The following POMGNT1 variants were observed in gnomAD, a reference collection of about 807,000 sequenced individuals.
The protein encoded by POMGNT1 is protein O-linked-mannose beta-1,2-N-acetylglucosaminyltransferase 1.
POMGNT1 carries 67 observed loss-of-function variants against 95.6 expected under a neutral mutation model. The observed-to-expected ratio is 0.70, with a 90% CI of 0.58 to 0.86. The LOEUF (loss-of-function observed/expected upper bound fraction) is 0.86, where lower values mean the gene tolerates loss of function less well. Ranked by LOEUF, POMGNT1 falls within the 40% of genes least tolerant of loss-of-function variation. The probability of loss-of-function intolerance (pLI) is 0.00; values close to 1 mark genes in which losing one functional copy is unlikely to be tolerated. For synonymous variants in POMGNT1, 298 were observed against 317.9 expected (o/e 0.94, Z 0.66); for missense variants, 719 against 855.2 (o/e 0.84, Z 1.99).
chr1:46,218,529 G>A (rs1034857342), intron 1 of POMGNT1, among the ~76,000 whole-genome samples: 2 of 152,270 alleles, frequency 1.3e-5, no homozygotes, highest in Admixed American at 6.5e-5. Context: ...TTGAATGCCA[G>A]TTGCTAAAAT....
chr1:46,196,782 T>C lies in POMGNT1; in HGVS notation c.303A>G (p.Val101=), dbSNP rs769150705. ...RGSGPRRVLD[V]EVYSSRSKVY... ...CTTTGCTGCGACTTGAATACACCTCTACGTCCAGGACCCGCCGGGGACCAC... is the reference window on the plus strand; with the variant it reads ...CTTTGCTGCGACTTGAATACACCTCCACGTCCAGGACCCGCCGGGGACCAC... The change falls in exon 4 of 22, where the codon GTA becomes GTG. Residue 101 remains valine, a synonymous_variant. Transcript: ENST00000371984. This position sits in a 1 kb window ranked among gnomAD's most constrained non-coding sequence, Gnocchi z 4.4. 1 of 1,614,204 alleles carries C rather than the reference T, an allele frequency of 6.2e-7. No individual in the cohort carries two copies. The highest frequency in any genetic ancestry group is 8.5e-7 in the Non-Finnish European group (1 of 1,180,038).
At chr1:46,195,034 A>G (rs936492345) in intron 6 of POMGNT1, 73 bp from the exon 7 acceptor site, 9 of 1,338,046 alleles carry the variant, frequency 6.7e-6, no homozygotes, top group South Asian at 5.9e-5. Context: ...AGCACGAACT[A>G]TGTAGCAACC....
chr1:46,196,586 T>C lies in POMGNT1; in HGVS notation c.354+145A>G. On this transcript the variant is annotated intron_variant, in intron 4 of 21. Transcript: ENST00000371984. The surrounding 1 kb of genome is among the most constrained non-coding windows in gnomAD (Gnocchi z 4.4). The stretch of plus-strand genomic sequence containing the variant: ...CAAGTAGAAATCATTAGTCCCAGTC[T>C]ATAGATAAGGAATCGAGGACTCCAA... The C allele has an allele frequency of 2.0e-6, 3 of 1,500,732 alleles. No individual in the cohort carries two copies. The highest frequency in any genetic ancestry group is 3.8e-5 in the Admixed American group (2 of 52,178). The allele number at this position is 1,500,732 out of a possible 1,614,324, so 93.0% of individuals were successfully genotyped here.
intron 17 of POMGNT1, 69 bp from the exon 18 acceptor site, chr1:46,190,853 C>T: frequency 7.1e-7 from 1 of 1,418,102 alleles, no homozygotes; most frequent in East Asian, 2.3e-5. Flanking sequence ...GCTGACCAGC[C>T]AGACATCTAT....
intron 17 of POMGNT1, chr1:46,191,878 C>A: frequency 1.8e-6 from 1 of 559,922 alleles, no homozygotes; most frequent in Non-Finnish European, 3.1e-6. Flanking sequence ...TTGTGATCCA[C>A]CCGCATCGGC....
intron 1 of POMGNT1, among the ~76,000 whole-genome samples, chr1:46,219,500 A>G (rs558403923): frequency 2.0e-5 from 3 of 152,310 alleles, no homozygotes; most frequent in South Asian, 2.1e-4. Flanking sequence ...AGGCTCAAAG[A>G]AGATATGTCT....
At chr1:46,190,944 C>A in intron 17 of POMGNT1, 160 bp from the exon 18 acceptor site, 1 of 715,080 alleles carries the variant, frequency 1.4e-6, no homozygotes. Flanking sequence ...GCAGCATCCT[C>A]AGCAAGCTCT....
rs775581321 is a variant in POMGNT1, at chr1:46,194,971, C to A, written c.535-10G>T. The A allele has an allele frequency of 6.2e-7, 1 of 1,613,444 alleles. No homozygotes were observed. Among genetic ancestry groups the A allele is most frequent in the Admixed American group, 1.7e-5 (1 of 60,028 alleles). On this transcript the variant is annotated splice_polypyrimidine_tract_variant and intron_variant, in intron 6 of 21. Coordinates refer to ENST00000371984, the MANE Select transcript of POMGNT1 (RefSeq NM_017739.4). Reference sequence around the variant, plus strand: ...GGAAGGAGCCCTCATCCTGGGGGACCAGAGAAGGCAGTTAGCCTGACTGGC... The same window carrying A: ...GGAAGGAGCCCTCATCCTGGGGGACAAGAGAAGGCAGTTAGCCTGACTGGC...
At position 46,188,795 on chromosome 1, in the gene POMGNT1, G is replaced by A; in HGVS notation, c.*475C>T. On this transcript the variant is annotated 3_prime_UTR_variant, in exon 22 of 22. Transcript: ENST00000371984. ...CCAGTGTCTAAGGGTCTCTGAGTGAGTCTGTGTCAGCATGTGGGCCCCAGC... is the reference window on the plus strand; with the variant it reads ...CCAGTGTCTAAGGGTCTCTGAGTGAATCTGTGTCAGCATGTGGGCCCCAGC... 1 of 1,612,898 alleles carries A rather than the reference G, an allele frequency of 6.2e-7. No homozygotes were observed. Among genetic ancestry groups the A allele is most frequent in the Non-Finnish European group, 8.5e-7 (1 of 1,179,882 alleles).
chr1:46,204,618 C>T (rs1029697129), intron 1 of POMGNT1, among the ~76,000 whole-genome samples: 2 of 152,154 alleles, frequency 1.3e-5, no homozygotes, highest in Non-Finnish European at 2.9e-5. Context: ...GCCAGGGCTC[C>T]GACGCCTGAG....
At chr1:46,202,696 CAAAAAAAAAAAAAAA>C (rs768113273), upstream of POMGNT1, among the ~76,000 whole-genome samples, 2 of 32,230 alleles carry the variant, frequency 6.2e-5, no homozygotes, top group South Asian at 3.2e-3. Context: ...GACTCTGTCT[CAAAAAAAAAAAAAAA>C]AAAAAAAAAA....
chr1:46,198,012 T>A, intron 1 of POMGNT1, 141 bp from the exon 2 acceptor site: 1 of 783,690 alleles, frequency 1.3e-6, no homozygotes, highest in Non-Finnish European at 2.0e-6. Flanking sequence ...GCTCAACTTC[T>A]CTGGGCTGGC....
chr1:46,214,638 A>G (rs1219216589), intron 1 of POMGNT1, among the ~76,000 whole-genome samples: 1 of 151,768 alleles, frequency 6.6e-6, no homozygotes, highest in East Asian at 2.0e-4. Context: ...AGGCCAAGGC[A>G]GTGGATCACC....
intron 1 of POMGNT1, among the ~76,000 whole-genome samples, chr1:46,209,616 C>G (rs1307824414): frequency 6.7e-6 from 1 of 149,720 alleles, no homozygotes; most frequent in Non-Finnish European, 1.5e-5. Context: ...CCAATCTCAG[C>G]TCACTGCAGC....
intron 14 of POMGNT1, 102 bp downstream of exon 14, chr1:46,192,798 C>G (rs969892112): frequency 2.5e-6 from 4 of 1,591,422 alleles, no homozygotes; most frequent in Admixed American, 1.7e-5. Flanking sequence ...GCTTCGCCCC[C>G]ACTTGTGAGC....
chr1:46,189,150 T>G lies in POMGNT1; in HGVS notation c.*120A>C, dbSNP rs1244051981. 1 of 1,500,784 alleles carries G rather than the reference T, an allele frequency of 6.7e-7. No homozygotes were observed. The highest frequency in any genetic ancestry group is 8.9e-7 in the Non-Finnish European group (1 of 1,126,476). 93.0% of individuals were successfully genotyped at this position (1,500,784 alleles called of 1,614,324 possible). ...CCTTGGAGTTAGTAATTAAGTCTCATGTTAAAAACAAGGTAGCCCCAGCCC... is the reference window on the plus strand; with the variant it reads ...CCTTGGAGTTAGTAATTAAGTCTCAGGTTAAAAACAAGGTAGCCCCAGCCC... On this transcript the variant is annotated 3_prime_UTR_variant, in exon 22 of 22. Transcript: ENST00000371984.
chr1:46,197,387 G>T, intron 2 of POMGNT1: 1 of 1,484,906 alleles, frequency 6.7e-7, no homozygotes, highest in Admixed American at 2.0e-5. Context: ...ATGGAGCCAG[G>T]CCCAGGGACC....
At chr1:46,210,306 C>G (rs928507077) in intron 1 of POMGNT1, among the ~76,000 whole-genome samples, 1 of 152,010 alleles carries the variant, frequency 6.6e-6, no homozygotes, top group Admixed American at 6.6e-5. Context: ...TAATGCAACA[C>G]AACAATAATC....
In POMGNT1 at chr1:46,204,551, G is replaced by A. The variant is rs549895023; in HGVS notation, c.-50-6680C>T. The stretch of plus-strand genomic sequence containing the variant: ...TAAAGTCTTCCTGTGTGCCCAGCCT[G>A]TGCCAAGCTGGTCTGTGAAGGAGAA... On this transcript the variant is annotated intron_variant, in intron 1 of 22. Transcript: ENST00000371992. 2.0e-5 allele frequency among the ~76,000 whole-genome samples: 3 copies of A among 152,326 alleles called. No individual in the cohort carries two copies. The East Asian group carries it at 5.8e-4, about 29-fold the overall frequency.
Sources: gnomAD v4.1 joint callset for allele counts (sites outside exome capture counted in the v4.1 genomes callset) on GRCh38, gnomAD v4.1.1 for gene constraint, Gnocchi (gnomAD v3.1) non-coding constraint, MANE v1.5 for transcripts, NCBI Gene and HGNC (gene_info 2026-07-23, HGNC 2026-07-21) for gene names.